The following SEC24A variants were observed in gnomAD, a reference collection of about 807,000 sequenced individuals.
SEC24A encodes the protein protein transport protein Sec24A.
Under a neutral mutation model 129.4 loss-of-function variants are expected in SEC24A, and 93 were observed. The observed-to-expected ratio is 0.72, with a 90% CI of 0.61 to 0.85. The LOEUF (loss-of-function observed/expected upper bound fraction) is 0.85. SEC24A is among the 40% of genes least tolerant of loss of function. The probability of loss-of-function intolerance (pLI) is 0.00; values close to 1 mark genes in which losing one functional copy is unlikely to be tolerated. For synonymous variants in SEC24A, 460 were observed against 467.3 expected (o/e 0.98, Z 0.20); for missense variants, 1,264 against 1,307.4 (o/e 0.97, Z 0.51).
In SEC24A at chr5:134,703,883, C is replaced by T. The variant is rs778129624; in HGVS notation, c.2391C>T (p.Asp797=). The T allele has an allele frequency of 4.3e-6, 7 of 1,610,326 alleles. No individual in the cohort carries two copies. The South Asian group carries it at 5.5e-5, about 13-fold the overall frequency. ...VQMSVEESLT[D]TQLVSFQSAL... is the part of the protein sequence containing the mutation. ...TGTCAGTGGAAGAGAGTCTTACTGA[C>T]ACTCAGTTGGTTTCTTTTCAGTCAG... The change falls in exon 16 of 23, where the codon GAC becomes GAT. Residue 797 remains aspartate, a synonymous_variant. Coordinates refer to ENST00000398844, the MANE Select transcript of SEC24A (RefSeq NM_021982.3).
chr5:134,713,133 G>A (rs542701523), intron 18 of SEC24A, among the ~76,000 whole-genome samples: 466 of 151,552 alleles, frequency 3.1e-3, no homozygotes, highest in Middle Eastern at 0.014. Flanking sequence ...GGGTTTCACC[G>A]TGTTAGCCAG....
chr5:134,719,127 A>G (rs977914410), intron 20 of SEC24A, among the ~76,000 whole-genome samples: 3 of 152,168 alleles, frequency 2.0e-5, no homozygotes, highest in African/African-American at 7.2e-5. Flanking sequence ...TATGCCTGTA[A>G]TTGCAGCGCT....
intron 20 of SEC24A, among the ~76,000 whole-genome samples, chr5:134,718,568 G>A (rs1183658352): frequency 6.6e-6 from 1 of 152,178 alleles, no homozygotes; most frequent in African/African-American, 2.4e-5. Flanking sequence ...GACAAGATGT[G>A]GAGGTGGAAG....
At chr5:134,677,240 G>A (rs1375591566) in intron 7 of SEC24A, among the ~76,000 whole-genome samples, 6 of 152,046 alleles carry the variant, frequency 3.9e-5, no homozygotes, top group Non-Finnish European at 8.8e-5. Context: ...AGCCCAGGAG[G>A]TTGAGGCTGC....
At chr5:134,721,478 G>T (rs553844454) in intron 21 of SEC24A, among the ~76,000 whole-genome samples, 1 of 149,074 alleles carries the variant, frequency 6.7e-6, no homozygotes, top group South Asian at 2.1e-4. Flanking sequence ...CAGGAGAATC[G>T]CTTGAACCCA....
chr5:134,700,513 C>G (rs923466897), intron 15 of SEC24A, among the ~76,000 whole-genome samples: 16 of 151,332 alleles, frequency 1.1e-4, no homozygotes, highest in African/African-American at 3.9e-4. Flanking sequence ...ATCACCACGC[C>G]CAGTATAATA....
intron 7 of SEC24A, 96 bp downstream of exon 7, chr5:134,676,221 C>G (rs1171955257): frequency 1.3e-6 from 1 of 754,566 alleles, no homozygotes; most frequent in Non-Finnish European, 2.1e-6. Context: ...CTTATTGCAA[C>G]CTCTGCCCTC....
At position 134,705,090 on chromosome 5, in the gene SEC24A, A is replaced by ATATATATATATATATATATATTT. The variant is rs1180461537; in HGVS notation, c.2441-236_2441-235insATATATATATATATATATATTTT. On this transcript the variant is annotated intron_variant, in intron 16 of 22. Coordinates refer to ENST00000398844, the MANE Select transcript of SEC24A (RefSeq NM_021982.3). Reference sequence around the variant, plus strand: ...TATATTTATATATATATATATATATATTTTTTTTTTTTTAATTAATTTATT... The same window carrying ATATATATATATATATATATATTT: ...TATATTTATATATATATATATATATATATATATATATATATATATATTTTTTTTTTTTTTTTAATTAATTTATT... Among the ~76,000 whole-genome samples the ATATATATATATATATATATATTT allele has an allele frequency of 4.1e-5, 5 of 123,300 alleles. No homozygotes were observed. The South Asian group carries it at 7.6e-4, about 19-fold the overall frequency. 80.9% of individuals were successfully genotyped at this position (123,300 alleles called of 152,430 possible).
intron 1 of SEC24A, among the ~76,000 whole-genome samples, chr5:134,653,290 C>T (rs1324007466): frequency 1.3e-5 from 2 of 152,124 alleles, no homozygotes; most frequent in Non-Finnish European, 2.9e-5. Flanking sequence ...TGCTCTGTCA[C>T]CCAAGTTGAA....
At chr5:134,680,490 G>A (rs1002749098) in intron 8 of SEC24A, among the ~76,000 whole-genome samples, 2 of 150,754 alleles carry the variant, frequency 1.3e-5, no homozygotes, top group Non-Finnish European at 3.0e-5. Flanking sequence ...CCACCACCAC[G>A]GCCGGCTAAT....
rs150856521 is a variant in SEC24A at position 134,652,553 on chromosome 5, C to T, written c.97+3380C>T. The stretch of plus-strand genomic sequence containing the variant: ...CGCCCACCTCGGCCTACTAAAGTGC[C>T]GGGATTACAGGCGTGAGCCACTGTG... On this transcript the variant is annotated intron_variant, in intron 1 of 22. Coordinates refer to ENST00000398844, the MANE Select transcript of SEC24A (RefSeq NM_021982.3). 7.9e-3 allele frequency among the ~76,000 whole-genome samples: 1,173 copies of T among 149,222 alleles called. 12 individuals are homozygous for T. Among genetic ancestry groups the T allele is most frequent in the African/African-American group, 0.027 (1,111 of 40,550 alleles).
rs1261251312 is a variant in SEC24A at position 134,689,472 on chromosome 5, G to T, written c.1723+1173G>T. ...TAGATAAATAAAATGTGGTATAAAC[G>T]TATAATGGGGCCGAGTGCGGTGGCT... On this transcript the variant is annotated intron_variant, in intron 11 of 22. Coordinates refer to ENST00000398844, the MANE Select transcript of SEC24A (RefSeq NM_021982.3). Among the ~76,000 whole-genome samples, 5 of 152,242 alleles carry T rather than the reference G, an allele frequency of 3.3e-5. No individual in the cohort carries two copies. The East Asian group carries it at 7.7e-4, about 23-fold the overall frequency.
intron 11 of SEC24A, among the ~76,000 whole-genome samples, chr5:134,691,296 C>T (rs545207099): frequency 7.9e-5 from 12 of 151,446 alleles, no homozygotes; most frequent in African/African-American, 2.4e-4. Flanking sequence ...CTCAGCCTCC[C>T]GAGTAGTTGG....
intron 1 of SEC24A, among the ~76,000 whole-genome samples, chr5:134,650,136 G>A (rs1489754743): frequency 2.0e-5 from 3 of 152,136 alleles, no homozygotes; most frequent in African/African-American, 7.2e-5. Flanking sequence ...TTACAAAGAT[G>A]GCTCTAAAAG....
chr5:134,682,535 A>T (rs531780589), intron 9 of SEC24A, 53 bp downstream of exon 9: 14 of 911,932 alleles, frequency 1.5e-5, no homozygotes, highest in Non-Finnish European at 2.1e-5. Context: ...CCAGGTTTTA[A>T]GTAAAACAAT....
chr5:134,705,090 A>ATTTTTT (rs58181904), intron 16 of SEC24A, among the ~76,000 whole-genome samples: 2 of 123,306 alleles, frequency 1.6e-5, no homozygotes, highest in Non-Finnish European at 3.4e-5. Flanking sequence ...ATATATATAT[A>ATTTTTT]TTTTTTTTTT....
chr5:134,672,435 G>A (rs1264158952), intron 4 of SEC24A, among the ~76,000 whole-genome samples: 9 of 151,834 alleles, frequency 5.9e-5, no homozygotes, highest in African/African-American at 1.7e-4. Flanking sequence ...TGATCTGCCC[G>A]CCTCGGCCTC....
intron 3 of SEC24A, among the ~76,000 whole-genome samples, chr5:134,670,651 T>C (rs1432714224): frequency 6.6e-6 from 1 of 152,222 alleles, no homozygotes; most frequent in East Asian, 1.9e-4. Flanking sequence ...AATTCATTTA[T>C]GTCATCTTCA....
In SEC24A at chr5:134,676,142, T is replaced by C. The variant is rs761783358; in HGVS notation, c.1254+17T>C. On this transcript the variant is annotated intron_variant, in intron 7 of 22. Transcript: ENST00000398844. ...GACTTAGTGGTATGTTTCTTTTCTT[T>C]TCTTTTTTTTTTTTTGAGACGGAGT... The C allele has an allele frequency of 1.3e-6, 2 of 1,567,650 alleles. No homozygotes were observed. The highest frequency in any genetic ancestry group is 1.2e-5 in the South Asian group (1 of 85,112).
Sources: gnomAD v4.1 joint callset for allele counts (sites outside exome capture counted in the v4.1 genomes callset) on GRCh38, gnomAD v4.1.1 for gene constraint, MANE v1.5 for transcripts, NCBI Gene and HGNC (gene_info 2026-07-23, HGNC 2026-07-21) for gene names.